The following ROBO1 variants were observed in gnomAD, a reference collection of about 807,000 sequenced individuals.
The protein encoded by ROBO1 is roundabout homolog 1.
A neutral mutation model predicts 195.9 loss-of-function variants in ROBO1; 149 were observed. The observed-to-expected ratio is 0.76, with a 90% confidence interval of 0.67 to 0.87. The LOEUF (loss-of-function observed/expected upper bound fraction) is 0.87. ROBO1 is among the 40% of genes least tolerant of loss of function. The probability of loss-of-function intolerance (pLI) is 0.00; values close to 1 mark genes in which losing one functional copy is unlikely to be tolerated. For missense variants in ROBO1, 1,933 were observed against 2,068.3 expected, an observed-to-expected ratio of 0.93 and a Z score of 1.27; for synonymous variants, 816 against 733.2, an observed-to-expected ratio of 1.11 and a Z score of -1.82.
intron 5 of ROBO1, among the ~76,000 whole-genome samples, chr3:78,724,595 T>C (rs568281039): frequency 6.6e-6 from 1 of 150,592 alleles, no homozygotes. Flanking sequence ...GGCAGGAGAA[T>C]TGCTTGAAGC....
At position 79,704,858 on chromosome 3, in the gene ROBO1, A is replaced by G. The variant is rs377225925; in HGVS notation, c.-51+62894T>C. ...ATTCTCATCAGCATTTTGTATTGCC[A>G]GTGTTCTGTAATTCAACCATATGAA... On this transcript the variant is annotated intron_variant, in intron 1 of 30. Transcript: ENST00000464233. Among the ~76,000 whole-genome samples, 6 of 152,086 alleles carry G rather than the reference A, an allele frequency of 3.9e-5. No homozygotes were observed. The East Asian group carries it at 1.2e-3, about 29-fold the overall frequency.
At chr3:79,218,867 C>T (rs1266759932) in intron 2 of ROBO1, among the ~76,000 whole-genome samples, 1 of 151,720 alleles carries the variant, frequency 6.6e-6, no homozygotes, top group African/African-American at 2.4e-5. Flanking sequence ...ATATCAGAAA[C>T]AAGGTAGGTA....
chr3:79,477,896 C>A (rs973883175), intron 2 of ROBO1, among the ~76,000 whole-genome samples: 1 of 152,094 alleles, frequency 6.6e-6, no homozygotes, highest in Non-Finnish European at 1.5e-5. Flanking sequence ...TGTCCAAAGG[C>A]CTATGCATGC....
intron 4 of ROBO1, among the ~76,000 whole-genome samples, chr3:78,760,152 C>T (rs2083059717): frequency 1.3e-5 from 2 of 152,210 alleles, no homozygotes; most frequent in South Asian, 2.1e-4. Flanking sequence ...CTATGTGAGA[C>T]GTGACTTTCA....
At chr3:79,381,798 T>C (rs2036584310) in intron 2 of ROBO1, among the ~76,000 whole-genome samples, 1 of 152,064 alleles carries the variant, frequency 6.6e-6, no homozygotes, top group Non-Finnish European at 1.5e-5. Flanking sequence ...TGTAGGTATA[T>C]ATATATAATT....
intron 1 of ROBO1, among the ~76,000 whole-genome samples, chr3:79,714,079 C>CT (rs1375923033): frequency 1.3e-5 from 2 of 151,528 alleles, no homozygotes; most frequent in Non-Finnish European, 2.9e-5. Context: ...AATGCAGGCT[C>CT]TTTTTTGCAA....
At chr3:78,727,219 A>T (rs1399799486) in intron 5 of ROBO1, among the ~76,000 whole-genome samples, 1 of 152,024 alleles carries the variant, frequency 6.6e-6, no homozygotes, top group Non-Finnish European at 1.5e-5. Context: ...AATCAAGTAA[A>T]ATAATTCATA....
intron 2 of ROBO1, among the ~76,000 whole-genome samples, chr3:79,542,850 T>C (rs1198044238): frequency 1.1e-4 from 16 of 152,034 alleles, no homozygotes. Context: ...CTCTTTAAGG[T>C]AGTAATATCT....
intron 3 of ROBO1, chr3:79,018,385 A>T (rs775437125): frequency 1.2e-6 from 2 of 1,613,774 alleles, no homozygotes; most frequent in Admixed American, 3.3e-5. Flanking sequence ...ATCAAGGGTG[A>T]AGAAAGAAGA....
At chr3:78,994,132 TA>T (rs1393810757) in intron 3 of ROBO1, among the ~76,000 whole-genome samples, 1 of 152,170 alleles carries the variant, frequency 6.6e-6, no homozygotes, top group East Asian at 1.9e-4. Flanking sequence ...TTAAGATCAA[TA>T]TAGATACAGA....
intron 2 of ROBO1, among the ~76,000 whole-genome samples, chr3:79,522,985 C>A (rs1941271467): frequency 6.6e-6 from 1 of 152,042 alleles, no homozygotes; most frequent in Non-Finnish European, 1.5e-5. Context: ...TTAGACAAAG[C>A]ATTTATGAAG....
chr3:79,511,958 A>T (rs10212554), intron 2 of ROBO1, among the ~76,000 whole-genome samples: 44,853 of 152,054 alleles, frequency 0.29, 7,292 homozygotes, highest in African/African-American at 0.4. Flanking sequence ...ATCAGGAAAA[A>T]TAATTAATGG....
intron 3 of ROBO1, among the ~76,000 whole-genome samples, chr3:78,970,014 A>G (rs1172804280): frequency 6.6e-6 from 1 of 152,196 alleles, no homozygotes; most frequent in Non-Finnish European, 1.5e-5. Context: ...TAGGGGAAAG[A>G]GAATGACCTA....
At chr3:79,308,025 A>G (rs996564281) in intron 2 of ROBO1, among the ~76,000 whole-genome samples, 7 of 152,138 alleles carry the variant, frequency 4.6e-5, no homozygotes, top group Non-Finnish European at 2.9e-5. Context: ...TCTGTGGCAA[A>G]TTTCACACCT....
chr3:79,732,795 T>C (rs1439280912), intron 1 of ROBO1, among the ~76,000 whole-genome samples: 1 of 152,210 alleles, frequency 6.6e-6, no homozygotes, highest in Non-Finnish European at 1.5e-5. Context: ...AAGATGATGT[T>C]CCTAATGACC....
At chr3:79,137,870 T>C (rs1167504468) in intron 2 of ROBO1, among the ~76,000 whole-genome samples, 1 of 152,110 alleles carries the variant, frequency 6.6e-6, no homozygotes, top group East Asian at 1.9e-4. Flanking sequence ...AGGTTAGTGA[T>C]TCTTTTCTAG....
intron 22 of ROBO1, among the ~76,000 whole-genome samples, chr3:78,637,150 T>C (rs540649393): frequency 1.3e-5 from 2 of 151,992 alleles, no homozygotes; most frequent in East Asian, 3.9e-4. Flanking sequence ...GGTTTTTAAC[T>C]GGATATGTTT....
intron 2 of ROBO1, among the ~76,000 whole-genome samples, chr3:79,372,321 C>T (rs1042165104): frequency 3.3e-5 from 5 of 152,012 alleles, no homozygotes; most frequent in Non-Finnish European, 5.9e-5. Flanking sequence ...ATTCTCCTGC[C>T]TCAGCCTCCC....
Position 78,722,000 on chromosome 3 carries a change from G to T in ROBO1, c.658-4117C>A, listed in dbSNP as rs572438178. ...ATTCCAATTTCAAGATGAATGGGAG[G>T]AAACAATAGCTGAGGTAAACCAAAA... On this transcript the variant is annotated intron_variant, in intron 5 of 30. Transcript: ENST00000464233. 1.7e-3 allele frequency among the ~76,000 whole-genome samples: 264 copies of T among 152,118 alleles called. 1 individual carries two copies. The highest frequency in any genetic ancestry group is 6.1e-3 in the African/African-American group (255 of 41,520).
Sources: allele counts gnomAD v4.1 joint callset (sites outside exome capture counted in the v4.1 genomes callset), GRCh38; gene constraint gnomAD v4.1.1; transcripts MANE v1.5; gene names NCBI Gene and HGNC (gene_info 2026-07-23, HGNC 2026-07-21).